The following MACROD2 variants were observed in gnomAD, a reference collection of about 807,000 sequenced individuals.
MACROD2 encodes the protein mono-ADP ribosylhydrolase 2.
MACROD2 carries 36 observed loss-of-function variants against 70.4 expected under a neutral mutation model. That is an observed-to-expected ratio of 0.51 (90% CI 0.39 to 0.68). The LOEUF is 0.68. Among genes scored for constraint, MACROD2 ranks in the 30% least tolerant of loss-of-function variants. MACROD2 has a pLI of 0.00. For missense variants in MACROD2, 496 were observed against 538.4 expected, an observed-to-expected ratio of 0.92 and a Z score of 0.78; for synonymous variants, 172 against 178.8, an observed-to-expected ratio of 0.96 and a Z score of 0.30.
chr20:15,110,834 A>G (rs892587127), intron 5 of MACROD2, among the ~76,000 whole-genome samples: 1 of 152,176 alleles, frequency 6.6e-6, no homozygotes, highest in Non-Finnish European at 1.5e-5. Context: ...TCTGAGAGCC[A>G]GTTACATTGC....
intron 3 of MACROD2, among the ~76,000 whole-genome samples, chr20:14,091,785 G>A (rs1334991337): frequency 6.6e-6 from 1 of 151,982 alleles, no homozygotes; most frequent in Non-Finnish European, 1.5e-5. Context: ...CCTTTTTATT[G>A]TTGAGTAGTG....
rs550997639 is a variant in MACROD2 at position 14,402,953 on chromosome 20, A to G, written c.272-90526A>G. Among the ~76,000 whole-genome samples the G allele has an allele frequency of 3.9e-5, 6 of 152,326 alleles. No individual in the cohort carries two copies. The South Asian group carries it at 1.0e-3, about 26-fold the overall frequency. ...ATGGGTAATAGACTCAAAGGAATGT[A>G]AATGGCTTTCATAAGGCAAAATATC... is the stretch of plus-strand genomic sequence containing the variant. On this transcript the variant is annotated intron_variant, in intron 3 of 17. Transcript: ENST00000684519.
intron 6 of MACROD2, among the ~76,000 whole-genome samples, chr20:15,252,332 G>T (rs1015900092): frequency 6.6e-6 from 1 of 152,210 alleles, no homozygotes; most frequent in Admixed American, 6.5e-5. Flanking sequence ...TCATGCTGAA[G>T]TGGCAAGTGA....
chr20:15,941,159 G>T lies in MACROD2; in HGVS notation c.907+3615G>T, dbSNP rs572160906. Among the ~76,000 whole-genome samples, 5 of 152,122 alleles carry T rather than the reference G, an allele frequency of 3.3e-5. No homozygotes were observed. In the East Asian group the frequency reaches 5.8e-4, roughly 18 times the overall value. On this transcript the variant is annotated intron_variant, in intron 12 of 17. Transcript: ENST00000684519. ...TTTTAACATAAAACTTTTAATGATG[G>T]TAACTCCATGAAGGAGTTCTGTCAT... is the stretch of plus-strand genomic sequence containing the variant.
intron 4 of MACROD2, among the ~76,000 whole-genome samples, chr20:14,681,873 T>C (rs1419026356): frequency 6.6e-6 from 1 of 152,188 alleles, no homozygotes; most frequent in Non-Finnish European, 1.5e-5. Flanking sequence ...CAGATAAATC[T>C]GGGGTTTTGA....
chr20:14,413,682 G>A (rs1438200679), intron 3 of MACROD2, among the ~76,000 whole-genome samples: 2 of 152,150 alleles, frequency 1.3e-5, no homozygotes, highest in African/African-American at 4.8e-5. Flanking sequence ...TTGCTGGAAC[G>A]AAATTGCTAC....
intron 5 of MACROD2, among the ~76,000 whole-genome samples, chr20:15,105,055 C>T (rs760154592): frequency 2.0e-5 from 3 of 152,028 alleles, no homozygotes; most frequent in Admixed American, 6.6e-5. Flanking sequence ...CTGAAGAAGA[C>T]GCACAACATA....
chr20:14,574,703 A>C (rs1481108061), intron 4 of MACROD2, among the ~76,000 whole-genome samples: 2 of 151,132 alleles, frequency 1.3e-5, no homozygotes, highest in African/African-American at 4.8e-5. Context: ...TACAAAATAT[A>C]ATATATCACA....
chr20:15,614,639 C>A (rs1157323012), intron 8 of MACROD2, among the ~76,000 whole-genome samples: 2 of 151,812 alleles, frequency 1.3e-5, no homozygotes, highest in Non-Finnish European at 2.9e-5. Flanking sequence ...TGCCCTGTTA[C>A]AATAAAAAAG....
chr20:16,041,437 TG>T (rs1836495641), intron 16 of MACROD2, among the ~76,000 whole-genome samples, 159 bp downstream of exon 16: 2 of 151,962 alleles, frequency 1.3e-5, no homozygotes, highest in Non-Finnish European at 2.9e-5. Flanking sequence ...CTAATAAAAA[TG>T]GCAACCTCTT....
rs181991893 is a variant in MACROD2, at chr20:15,190,187, A to T, written c.419-39753A>T. Among the ~76,000 whole-genome samples the T allele has an allele frequency of 1.6e-3, 241 of 152,296 alleles. 1 individual carries two copies. Among genetic ancestry groups the T allele is most frequent in the African/African-American group, 5.6e-3 (233 of 41,556 alleles). ...AGTATGTGTTTCTTATTTTAAATAG[A>T]TTCTCTTAACTTAATTTCTTGATTT... On this transcript the variant is annotated intron_variant, in intron 5 of 17. Transcript: ENST00000684519.
At chr20:14,158,021 C>T (rs944631859) in intron 3 of MACROD2, among the ~76,000 whole-genome samples, 3 of 152,074 alleles carry the variant, frequency 2.0e-5, no homozygotes, top group African/African-American at 4.8e-5. Flanking sequence ...AGTGGCTAGA[C>T]CAATTTACCT....
chr20:14,889,508 G>C (rs973403268), intron 5 of MACROD2, among the ~76,000 whole-genome samples: 1 of 152,054 alleles, frequency 6.6e-6, no homozygotes, highest in Non-Finnish European at 1.5e-5. Flanking sequence ...TTGAGAAGAA[G>C]AGATTTTAGC....
chr20:15,708,815 A>G (rs916635034), intron 8 of MACROD2, among the ~76,000 whole-genome samples: 1 of 152,092 alleles, frequency 6.6e-6, no homozygotes, highest in East Asian at 1.9e-4. Context: ...GTTTAAGGCC[A>G]GGAGTTCAAG....
chr20:15,782,954 C>G (rs2051860535), intron 8 of MACROD2, among the ~76,000 whole-genome samples: 1 of 152,048 alleles, frequency 6.6e-6, no homozygotes, highest in Non-Finnish European at 1.5e-5. Context: ...GAATACAAAA[C>G]AGCAGTTACC....
At chr20:15,682,892 T>A (rs767640516) in intron 8 of MACROD2, among the ~76,000 whole-genome samples, 23 of 152,220 alleles carry the variant, frequency 1.5e-4, no homozygotes, top group Admixed American at 1.5e-3. Context: ...GTTCTGGAAG[T>A]AATTCACATT....
chr20:14,736,259 T>C (rs1260056288), intron 5 of MACROD2, among the ~76,000 whole-genome samples: 1 of 152,172 alleles, frequency 6.6e-6, no homozygotes, highest in Admixed American at 6.5e-5. Flanking sequence ...ACTCCATTTA[T>C]ATAAAATATT....
At chr20:15,912,461 G>A (rs1045246084) in intron 10 of MACROD2, among the ~76,000 whole-genome samples, 1 of 152,226 alleles carries the variant, frequency 6.6e-6, no homozygotes, top group Non-Finnish European at 1.5e-5. Context: ...CTGAAGTAAT[G>A]TGAAGAGCCA....
At chr20:14,463,745 G>T (rs1600264055) in intron 3 of MACROD2, among the ~76,000 whole-genome samples, 1 of 151,848 alleles carries the variant, frequency 6.6e-6, no homozygotes. Flanking sequence ...TAGCATGGAG[G>T]GTTTTTGAAT....
Sources: allele counts gnomAD v4.1 joint callset (sites outside exome capture counted in the v4.1 genomes callset), GRCh38; gene constraint gnomAD v4.1.1; transcripts MANE v1.5; gene names NCBI Gene and HGNC (gene_info 2026-07-23, HGNC 2026-07-21).